The following EIF3C variants were observed in gnomAD, a reference collection of about 807,000 sequenced individuals.
EIF3C encodes cell migration-inducing protein 17.
Under a neutral mutation model 11.1 loss-of-function variants are expected in EIF3C, and 2 were observed. The observed-to-expected ratio is 0.18, with a 90% CI of 0.07 to 0.57. The LOEUF (loss-of-function observed/expected upper bound fraction) is 0.57, where lower values mean the gene tolerates loss of function less well. EIF3C is among the 20% of genes least tolerant of loss of function. EIF3C has a pLI of 0.92. For missense variants in EIF3C, 16 were observed against 114.6 expected (o/e 0.14, Z 3.93); for synonymous variants, 2 against 41.5 (o/e 0.05, Z 3.66).
At chr16:28,727,529 CAA>C (rs1374557048) in intron 15 of EIF3C, 4 of 50,574 alleles carry the variant, frequency 7.9e-5, no homozygotes, top group Non-Finnish European at 1.8e-4. Flanking sequence ...CAAGACTGTT[CAA>C]AAAAAAAAAA....
intron 1 of EIF3C, among the ~76,000 whole-genome samples, chr16:28,698,489 C>G (rs1299138052): frequency 1.2e-5 from 1 of 83,018 alleles, no homozygotes; most frequent in East Asian, 3.9e-4. Flanking sequence ...GGGCTGACCC[C>G]CCACCTCCCT....
chr16:28,698,159 G>A (rs1596703434), intron 1 of EIF3C, among the ~76,000 whole-genome samples: 4 of 102,386 alleles, frequency 3.9e-5, no homozygotes, highest in African/African-American at 1.2e-4. Context: ...CGGACGGGGC[G>A]GCTGGCCGGG....
At position 28,699,476 on chromosome 16, in the gene EIF3C, C is replaced by T. The variant is rs1422840060; in HGVS notation, c.-31+10648C>T. 3.5e-4 allele frequency among the ~76,000 whole-genome samples: 30 copies of T among 86,664 alleles called. 1 individual carries two copies. Among genetic ancestry groups the T allele is most frequent in the South Asian group, 1.6e-3 (2 of 1,290 alleles). 56.9% of individuals were successfully genotyped at this position (86,664 alleles called of 152,430 possible). A position where few individuals can be genotyped will look rare whatever the true frequency, so the allele number is the denominator to read the frequency against. ...GGGGAGAGGGAGACGGAGACGGAGA[C>T]GGAGACGGAGAGGGAGAGGGAGAGG... On this transcript the variant is annotated intron_variant, in intron 1 of 20. Coordinates refer to the EIF3C transcript ENST00000566501.
intron 1 of EIF3C, among the ~76,000 whole-genome samples, chr16:28,698,131 C>T (rs1157401313): frequency 7.4e-5 from 5 of 67,670 alleles, no homozygotes; most frequent in African/African-American, 1.4e-4. Flanking sequence ...GGGGGGCTGA[C>T]CCCCCCCACC....
intron 16 of EIF3C, among the ~76,000 whole-genome samples, chr16:28,732,656 TG>T (rs1474829487): frequency 1.6e-5 from 2 of 122,136 alleles, no homozygotes; most frequent in Non-Finnish European, 3.5e-5. Flanking sequence ...GCGCCCTTCC[TG>T]TGACATTGGC....
Position 28,733,083 on chromosome 16 carries a change from C to CT in EIF3C, c.2182+894dup, listed in dbSNP as rs1196837527. On this transcript the variant is annotated intron_variant, in intron 16 of 20. Coordinates refer to ENST00000331666, the MANE Select transcript of EIF3C (RefSeq NM_003752.5). ...CCTAAACTTGCCTTTTTCTTTCTTT[C>CT]TTTCTTTTTTTTTTTTTTTTGAGAC... Among the ~76,000 whole-genome samples, 63 of 47,730 alleles carry CT rather than the reference C, an allele frequency of 1.3e-3. 4 individuals are homozygous for CT. The highest frequency in any genetic ancestry group is 8.3e-3 in the Middle Eastern group (1 of 120). 31.3% of individuals were successfully genotyped at this position (47,730 alleles called of 152,430 possible).
In EIF3C at chr16:28,723,250, G is replaced by A. The variant is rs200645352; in HGVS notation, c.863G>A (p.Arg288His). 1.2e-4 allele frequency: 189 copies of A among 1,614,212 alleles called. No individual in the cohort carries two copies. In the East Asian group the frequency reaches 1.8e-3, roughly 15 times the overall value. The change falls in exon 9 of 21, where the codon CGC becomes CAC. Residue 288 changes from arginine (R) to histidine (H), a missense_variant. Physicochemically the swap from Arg to His is conservative, Grantham distance 29 (BLOSUM62 0). Coordinates refer to ENST00000331666, the MANE Select transcript of EIF3C (RefSeq NM_003752.5). ...AKKKHDRKSK[R>H]LDEEEEDNEG... is the part of the protein sequence containing the mutation. ...AAGAAGCACGACAGGAAATCCAAGC[G>A]CCTGGATGAGGAGGAGGAGGACAAT...
At chr16:28,698,285 G>A (rs1161344186) in intron 1 of EIF3C, among the ~76,000 whole-genome samples, 3 of 115,422 alleles carry the variant, frequency 2.6e-5, no homozygotes, top group African/African-American at 7.0e-5. Context: ...CCCGGACGGG[G>A]TGGCTGGCCA....
intron 1 of EIF3C, among the ~76,000 whole-genome samples, chr16:28,699,431 C>G (rs1363604441): frequency 9.9e-5 from 10 of 101,370 alleles, no homozygotes; most frequent in African/African-American, 3.9e-4. Context: ...AGCTTCGGCT[C>G]CGCATGAGAG....
chr16:28,698,264 C>G (rs1256553731), intron 1 of EIF3C, among the ~76,000 whole-genome samples: 1 of 127,674 alleles, frequency 7.8e-6, no homozygotes, highest in Non-Finnish European at 1.7e-5. Context: ...GGCTGACCCC[C>G]CCATCTCCCT....
rs1278678222 is a variant in EIF3C at position 28,696,069 on chromosome 16, C to T, written c.-31+7241C>T. Among the ~76,000 whole-genome samples the T allele has an allele frequency of 5.8e-5, 3 of 51,994 alleles. 1 individual carries two copies. Among genetic ancestry groups the T allele is most frequent in the Non-Finnish European group, 1.0e-4 (3 of 28,684 alleles). 34.1% of individuals were successfully genotyped at this position (51,994 alleles called of 152,430 possible). On this transcript the variant is annotated intron_variant, in intron 1 of 20. Transcript: ENST00000566501. ...GAGTCGCACAGACTAGTGCCACCCT[C>T]AAAGACTTACAAGGGGCCAGGTGGG...
chr16:28,699,550 CT>C lies in EIF3C; in HGVS notation c.-31+10732del, dbSNP rs1235675542. 9.1e-5 allele frequency among the ~76,000 whole-genome samples: 9 copies of C among 99,006 alleles called. 2 individuals carry two copies. Among genetic ancestry groups the C allele is most frequent in the Non-Finnish European group, 1.4e-4 (7 of 50,296 alleles). 65.0% of individuals were successfully genotyped at this position (99,006 alleles called of 152,430 possible). A position where few individuals can be genotyped will look rare whatever the true frequency, so the allele number is the denominator to read the frequency against. Reference sequence around the variant, plus strand: ...AAAATAGGAAATGTGAATCCTCCAACTTTTTTTTTTGGAGACGGAGTCTCGC... The same window carrying C: ...AAAATAGGAAATGTGAATCCTCCAACTTTTTTTTTGGAGACGGAGTCTCGC... On this transcript the variant is annotated intron_variant, in intron 1 of 20. Coordinates refer to the EIF3C transcript ENST00000566501.
chr16:28,698,649 G>A lies in EIF3C; in HGVS notation c.-31+9821G>A, dbSNP rs370902274. Among the ~76,000 whole-genome samples, 33 of 81,874 alleles carry A rather than the reference G, an allele frequency of 4.0e-4. 4 individuals carry two copies. In the East Asian group the frequency reaches 0.011, roughly 27 times the overall value. 53.7% of individuals were successfully genotyped at this position (81,874 alleles called of 152,430 possible). A position where few individuals can be genotyped will look rare whatever the true frequency, so the allele number is the denominator to read the frequency against. On this transcript the variant is annotated intron_variant, in intron 1 of 20. Coordinates refer to the EIF3C transcript ENST00000566501. ...TCACTTCCCAGATGGGGTGGCTGCC[G>A]GGCGGAGAGGCTCCTCACTTCTCAG...
At chr16:28,700,185 G>T (rs2151789278) in intron 1 of EIF3C, 1 of 205,930 alleles carries the variant, frequency 4.9e-6, no homozygotes, top group Middle Eastern at 1.9e-3. Context: ...GCTAGGGGGA[G>T]CAGCGGAAGT....
intron 1 of EIF3C, among the ~76,000 whole-genome samples, chr16:28,697,811 G>C: frequency 1.1e-5 from 1 of 94,398 alleles, no homozygotes; most frequent in African/African-American, 6.7e-5. Context: ...GGCTCGCCGG[G>C]CAGGGGGGCT....
chr16:28,728,818 G>A (rs1460891470), intron 15 of EIF3C, among the ~76,000 whole-genome samples: 1 of 27,828 alleles, frequency 3.6e-5, no homozygotes, highest in African/African-American at 1.3e-4. Flanking sequence ...ATGAGCCACC[G>A]CAACCGGCCA....
chr16:28,712,319 C>G, intron 2 of EIF3C: 1 of 54,582 alleles, frequency 1.8e-5, no homozygotes, highest in African/African-American at 6.4e-5. Context: ...TTTCTTTTTC[C>G]TTTTTTTTTT....
intron 1 of EIF3C, among the ~76,000 whole-genome samples, chr16:28,697,910 G>A (rs1255153827): frequency 6.2e-5 from 6 of 97,336 alleles, no homozygotes; most frequent in Non-Finnish European, 1.2e-4. Flanking sequence ...CGGCTGGCCG[G>A]GCAGAGGGGC....
Position 28,704,554 on chromosome 16 carries a change from C to CA in EIF3C, c.-30-7097dup, listed in dbSNP as rs1189998710. Among the ~76,000 whole-genome samples the CA allele has an allele frequency of 3.6e-5, 2 of 55,674 alleles. 1 individual carries two copies. Among genetic ancestry groups the CA allele is most frequent in the Non-Finnish European group, 6.3e-5 (2 of 31,696 alleles). 36.5% of individuals were successfully genotyped at this position (55,674 alleles called of 152,430 possible). On this transcript the variant is annotated intron_variant, in intron 1 of 20. Transcript: ENST00000566501. The stretch of plus-strand genomic sequence containing the variant: ...GTCTCTACAAAAAACAAAAACCCCA[C>CA]AAAAAACATTAGCTGAACTCGGTGG...
Sources: allele counts gnomAD v4.1 joint callset (sites outside exome capture counted in the v4.1 genomes callset), GRCh38; gene constraint gnomAD v4.1.1; transcripts MANE v1.5; gene names NCBI Gene and HGNC (gene_info 2026-07-23, HGNC 2026-07-21).